Variants in PCSK9 observed in about 807,000 individuals in gnomAD.
The protein encoded by PCSK9 is proprotein convertase subtilisin/kexin type 9, also known as convertase subtilisin/kexin type 9 preproprotein.
Under a neutral mutation model 62.1 loss-of-function variants are expected in PCSK9, and 57 were observed. That is an observed-to-expected ratio of 0.92 (90% CI 0.74 to 1.14). The LOEUF is 1.14. PCSK9 is among the 50% of genes most tolerant of loss of function. The pLI is 0.00. For missense variants in PCSK9, 870 were observed against 959.8 expected (o/e 0.91, Z 1.24); for synonymous variants, 387 against 409.4 (o/e 0.95, Z 0.66).
intron 6 of PCSK9, among the ~76,000 whole-genome samples, chr1:55,056,998 A>G (rs1644720279): frequency 6.6e-6 from 1 of 152,216 alleles, no homozygotes; most frequent in South Asian, 2.1e-4. Flanking sequence ...ACAAAGCCCA[A>G]CACATCTCTG....
rs147182054 is a variant in PCSK9, at chr1:55,063,480, C to G, written c.1975C>G (p.Arg659Gly). ...AVDNTCVVRSRDVSTTGSTSE... is the reference protein window; with the variant it reads ...AVDNTCVVRSGDVSTTGSTSE... ...AGACAACACGTGTGTAGTCAGGAGC[C>G]GGGACGTCAGCACTACAGGCAGCAC... The change falls in exon 12 of 12, where the codon CGG (arginine) becomes GGG (glycine). Residue 659 changes from arginine to glycine, a missense_variant. Coordinates refer to ENST00000302118, the MANE Select transcript of PCSK9 (RefSeq NM_174936.4). 18 of 1,613,962 alleles carry G rather than the reference C, an allele frequency of 1.1e-5. No homozygotes were observed. In the East Asian group the frequency reaches 4.0e-4, roughly 36 times the overall value.
At chr1:55,052,438 C>T (rs909203107) in intron 4 of PCSK9, 27 bp downstream of exon 4, 11 of 1,613,392 alleles carry the variant, frequency 6.8e-6, no homozygotes, top group Non-Finnish European at 9.3e-6. Context: ...GATGGGAGGG[C>T]TGCCTCTGCC....
At position 55,052,689 on chromosome 1, in the gene PCSK9, G is replaced by T. The variant is rs150169598; in HGVS notation, c.697G>T (p.Val233Leu). The change falls in exon 5 of 12, where the codon GTG becomes TTG. Residue 233 changes from valine to leucine, a missense_variant. Val to Leu is a conservative substitution (Grantham distance 32). Transcript: ENST00000302118. ...CDSHGTHLAGVVSGRDAGVAK... is the reference protein window; with the variant it reads ...CDSHGTHLAGLVSGRDAGVAK... ...CAGTCATGGCACCCACCTGGCAGGG[G>T]TGGTCAGCGGCCGGGATGCCGGCGT... 6.8e-6 allele frequency: 11 copies of T among 1,613,064 alleles called. No individual in the cohort carries two copies. In the African/African-American group the frequency reaches 1.3e-4, roughly 20 times the overall value.
chr1:55,056,314 C>A (rs999745532), intron 6 of PCSK9, 125 bp downstream of exon 6: 11 of 1,117,056 alleles, frequency 9.8e-6, no homozygotes, highest in Non-Finnish European at 1.3e-5. Flanking sequence ...TCCTGGAGGC[C>A]GAACCCTTCT....
rs2100256141 is a variant in PCSK9 at position 55,040,626 on chromosome 1, G to A, written c.207+582G>A. 6.6e-6 allele frequency among the ~76,000 whole-genome samples: 1 copy of A among 152,328 alleles called. No homozygotes were observed. The highest frequency in any genetic ancestry group is 1.9e-4 in the East Asian group (1 of 5,178). ...TTTATGACACAGAACTCATGCTCTA[G>A]TATTCCATCTGTTTCAGCCGAAGAA... On this transcript the variant is annotated intron_variant, in intron 1 of 11. Transcript: ENST00000302118. This position sits in a 1 kb window ranked among gnomAD's most constrained non-coding sequence, Gnocchi z 4.1.
At chr1:55,048,983 A>G (rs574039144) in intron 3 of PCSK9, among the ~76,000 whole-genome samples, 141 of 152,352 alleles carry the variant, frequency 9.3e-4, no homozygotes, top group Non-Finnish European at 1.7e-3. Context: ...ACAAATGTGA[A>G]TGAAATGAAT....
chr1:55,039,617 T>C lies in PCSK9; in HGVS notation c.-221T>C. On this transcript the variant is annotated 5_prime_UTR_variant, in exon 1 of 12. It removes the in-frame stop codon of an upstream open reading frame in the 5' UTR. Transcript: ENST00000302118. Reference sequence around the variant, plus strand: ...AGTTCAGGGTCTGAGCCTGGAGGAGTGAGCCAGGCAGTGAGACTGGCTCGG... The same window carrying C: ...AGTTCAGGGTCTGAGCCTGGAGGAGCGAGCCAGGCAGTGAGACTGGCTCGG... 1.6e-6 allele frequency: 1 copy of C among 614,876 alleles called. No homozygotes were observed. Among genetic ancestry groups the C allele is most frequent in the Non-Finnish European group, 2.8e-6 (1 of 351,586 alleles). The allele number at this position is 614,876 out of a possible 1,614,324, so 38.1% of individuals were successfully genotyped here. A position where few individuals can be genotyped will look rare whatever the true frequency, so the allele number is the denominator to read the frequency against.
At chr1:55,048,896 T>G (rs1644654031) in intron 3 of PCSK9, among the ~76,000 whole-genome samples, 1 of 152,226 alleles carries the variant, frequency 6.6e-6, no homozygotes, top group South Asian at 2.1e-4. Flanking sequence ...TAGCCCTGCA[T>G]TTTTCTTTTC....
intron 1 of PCSK9, among the ~76,000 whole-genome samples, chr1:55,043,195 C>G (rs1205407943): frequency 1.3e-5 from 2 of 152,232 alleles, no homozygotes; most frequent in Non-Finnish European, 2.9e-5. Flanking sequence ...AGGACTAAGA[C>G]AGTGGCCTTG....
Position 55,043,962 on chromosome 1 carries a change from C to T in PCSK9, c.327C>T (p.Thr109=), listed in dbSNP as rs759986372. ...AGGCTGCCCGCCGGGGATACCTCAC[C>T]AAGATCCTGCATGTCTTCCATGGCC... ...QAQAARRGYL[T]KILHVFHGLL... Residue 109 remains threonine, a synonymous_variant, in exon 2 of 12, where the codon ACC becomes ACT. Transcript: ENST00000302118. 4.3e-6 allele frequency: 7 copies of T among 1,614,238 alleles called. No individual in the cohort carries two copies. The South Asian group carries it at 7.7e-5, about 18-fold the overall frequency.
chr1:55,059,784 A>G, intron 10 of PCSK9, 121 bp downstream of exon 10: 1 of 1,306,422 alleles, frequency 7.7e-7, no homozygotes, highest in Admixed American at 2.2e-5. Flanking sequence ...TTGCAGTTCC[A>G]TACTCTGGTT....
At chr1:55,055,948 G>C in intron 5 of PCSK9, 45 bp from the exon 6 acceptor site, 1 of 1,533,162 alleles carries the variant, frequency 6.5e-7, no homozygotes, top group Non-Finnish European at 8.9e-7. Context: ...CTGGGAAAGG[G>C]GAGCAGGTCT....
At chr1:55,048,551 C>A (rs905196509) in intron 3 of PCSK9, among the ~76,000 whole-genome samples, 1 of 152,188 alleles carries the variant, frequency 6.6e-6, no homozygotes, top group African/African-American at 2.4e-5. Flanking sequence ...GGGTGTGGAA[C>A]CCCTTCTGGA....
In PCSK9 at chr1:55,043,874, T is replaced by C; in HGVS notation, c.239T>C (p.Val80Ala). 6.2e-7 allele frequency: 1 copy of C among 1,614,146 alleles called. No homozygotes were observed. Among genetic ancestry groups the C allele is most frequent in the South Asian group, 1.1e-5 (1 of 91,088 alleles). Reference sequence around the variant, plus strand: ...TGGAGGTTGCCTGGCACCTACGTGGTGGTGCTGAAGGAGGAGACCCACCTC... The same window carrying C: ...TGGAGGTTGCCTGGCACCTACGTGGCGGTGCTGAAGGAGGAGACCCACCTC... ...DPWRLPGTYVVVLKEETHLSQ... is the reference protein window; with the variant it reads ...DPWRLPGTYVAVLKEETHLSQ... The change falls in exon 2 of 12, where the codon GTG becomes GCG. Residue 80 changes from valine (V) to alanine (A), a missense_variant. By Grantham distance (64) the Val-to-Ala change is moderately conservative. Transcript: ENST00000302118.
rs1237899250 is a variant in PCSK9, at chr1:55,040,151, G to A, written c.207+107G>A. The stretch of plus-strand genomic sequence containing the variant: ...CCCCATGTAAGAGAGGAAGTGGAGT[G>A]CAGGTCGCCGAGGGCTCTTCGCTTG... On this transcript the variant is annotated intron_variant, in intron 1 of 11. Transcript: ENST00000302118. The surrounding 1 kb of genome is among the most constrained non-coding windows in gnomAD (Gnocchi z 4.1). 3.0e-5 allele frequency: 42 copies of A among 1,409,516 alleles called. No individual in the cohort carries two copies. In the East Asian group the frequency reaches 1.0e-3, roughly 34 times the overall value. 87.3% of individuals were successfully genotyped at this position (1,409,516 alleles called of 1,614,324 possible).
In PCSK9 at chr1:55,057,478, C is replaced by T. The variant is rs773363923; in HGVS notation, c.1144C>T (p.Gln382Ter). ...CGACTGCAGCACCTGCTTTGTGTCA[C>T]AGAGTGGGACATCACAGGCTGCTGC... is the stretch of plus-strand genomic sequence containing the variant. ...SSDCSTCFVS[Q>*]SGTSQAAAHV... The change falls in exon 7 of 12, where the codon CAG (glutamine) becomes TAG (stop). Residue 382 changes from glutamine (Q) to a stop codon, truncating the protein, a stop_gained. Coordinates refer to ENST00000302118, the MANE Select transcript of PCSK9 (RefSeq NM_174936.4). LOFTEE classifies it high-confidence loss of function. The T allele has an allele frequency of 1.9e-5, 30 of 1,613,654 alleles. No individual in the cohort carries two copies. Among genetic ancestry groups the T allele is most frequent in the Non-Finnish European group, 2.5e-5 (29 of 1,179,996 alleles).
chr1:55,046,794 C>T, intron 3 of PCSK9, 148 bp downstream of exon 3: 10 of 865,724 alleles, frequency 1.2e-5, no homozygotes, highest in South Asian at 3.3e-5. Flanking sequence ...CTGTCCCATC[C>T]CCATCCCCTG....
rs1254181849 is a variant in PCSK9 at position 55,052,675 on chromosome 1, C to G, written c.683C>G (p.Thr228Ser). The change falls in exon 5 of 12, where the codon ACC (threonine) becomes AGC (serine). Residue 228 changes from threonine (T) to serine (S), a missense_variant. Thr to Ser is a moderately conservative substitution (Grantham distance 58, BLOSUM62 1). Coordinates refer to ENST00000302118, the MANE Select transcript of PCSK9 (RefSeq NM_174936.4). ...GCCAGCAAGTGTGACAGTCATGGCA[C>G]CCACCTGGCAGGGGTGGTCAGCGGC... The part of the protein sequence containing the change: ...RQASKCDSHG[T>S]HLAGVVSGRD... The G allele has an allele frequency of 1.9e-6, 3 of 1,613,042 alleles. No homozygotes were observed. In the East Asian group the frequency reaches 6.7e-5, roughly 36 times the overall value.
rs1300909228 is a variant in PCSK9, at chr1:55,040,862, AGCTTCTGGCCCTCAG to A, written c.207+822_207+836del. 2.0e-5 allele frequency among the ~76,000 whole-genome samples: 3 copies of A among 152,210 alleles called. No individual in the cohort carries two copies. The highest frequency in any genetic ancestry group is 4.4e-5 in the Non-Finnish European group (3 of 68,028). ...GGCGAGTTTGCTCAACAACTCTGCC[AGCTTCTGGCCCTCAG>A]GCTGTGGGAAGCTTCTTCCCGGGGC... On this transcript the variant is annotated intron_variant, in intron 1 of 11. Transcript: ENST00000302118. The surrounding 1 kb of genome is among the most constrained non-coding windows in gnomAD (Gnocchi z 4.1).
Sources: gnomAD v4.1 joint callset for allele counts (sites outside exome capture counted in the v4.1 genomes callset) on GRCh38, gnomAD v4.1.1 for gene constraint, Gnocchi (gnomAD v3.1) non-coding constraint, MANE v1.5 for transcripts, NCBI Gene and HGNC (gene_info 2026-07-23, HGNC 2026-07-21) for gene names.